The following NDUFA10 variants were observed in gnomAD, a reference collection of about 807,000 sequenced individuals.
The protein encoded by NDUFA10 is NADH dehydrogenase [ubiquinone] 1 alpha subcomplex subunit 10, mitochondrial.
Under a neutral mutation model 47.8 loss-of-function variants are expected in NDUFA10, and 40 were observed. That is an observed-to-expected ratio of 0.84 (90% CI 0.65 to 1.09). The LOEUF is 1.09. Among genes scored for constraint, NDUFA10 ranks in the 50% least tolerant of loss-of-function variants. The probability of loss-of-function intolerance (pLI) is 0.00; values close to 1 mark genes in which losing one functional copy is unlikely to be tolerated. For synonymous variants in NDUFA10, 183 were observed against 172.2 expected (o/e 1.06, Z -0.49); for missense variants, 413 against 451.1 (o/e 0.92, Z 0.76).
At chr2:239,976,798 A>G (rs1477771059) in intron 9 of NDUFA10, among the ~76,000 whole-genome samples, 1 of 152,228 alleles carries the variant, frequency 6.6e-6, no homozygotes, top group Non-Finnish European at 1.5e-5. Flanking sequence ...GCTGTGGCAG[A>G]GGCTGAGAGC....
At chr2:239,893,767 C>T (rs1693338112) in intron 5 of NDUFA10, among the ~76,000 whole-genome samples, 1 of 152,210 alleles carries the variant, frequency 6.6e-6, no homozygotes, top group Non-Finnish European at 1.5e-5. Context: ...TCAAACCACG[C>T]AGTGGGAGTG....
At chr2:240,020,276 A>G (rs1179706963) in intron 3 of NDUFA10, among the ~76,000 whole-genome samples, 2 of 152,196 alleles carry the variant, frequency 1.3e-5, no homozygotes, top group Non-Finnish European at 2.9e-5. Context: ...CATCAGGGGC[A>G]CTGCCAATCA....
At chr2:240,018,531 T>G (rs764061526) in intron 4 of NDUFA10, 22 bp downstream of exon 4, 1 of 1,614,192 alleles carries the variant, frequency 6.2e-7, no homozygotes, top group Non-Finnish European at 8.5e-7. Context: ...CACCCAGAAG[T>G]GGGTCTGCAA....
intron 9 of NDUFA10, chr2:239,983,422 T>A (rs1441626495): frequency 2.7e-6 from 4 of 1,469,642 alleles, no homozygotes; most frequent in East Asian, 2.5e-5. Context: ...TGGTCATTAT[T>A]ATTTATTACT....
chr2:239,972,209 T>A (rs1300427795), intron 9 of NDUFA10, among the ~76,000 whole-genome samples: 1 of 152,002 alleles, frequency 6.6e-6, no homozygotes, highest in African/African-American at 2.4e-5. Context: ...TGATAAATAT[T>A]ATACATATAA....
intron 9 of NDUFA10, chr2:239,982,123 C>T (rs752306899): frequency 3.1e-6 from 5 of 1,612,620 alleles, no homozygotes; most frequent in Non-Finnish European, 4.2e-6. Flanking sequence ...ACCTGAAGAC[C>T]GATGAGAAGG....
chr2:239,965,554 C>A (rs879606990), intron 9 of NDUFA10, among the ~76,000 whole-genome samples: 2 of 152,178 alleles, frequency 1.3e-5, no homozygotes, highest in African/African-American at 4.8e-5. Flanking sequence ...ACCTTCCTCC[C>A]GAGCCACGCT....
intron 4 of NDUFA10, among the ~76,000 whole-genome samples, chr2:239,925,318 T>C (rs1244441567): frequency 6.6e-6 from 1 of 152,102 alleles, no homozygotes; most frequent in African/African-American, 2.4e-5. Flanking sequence ...ATCAAGACTA[T>C]AGAGAAACAG....
chr2:239,970,891 G>T (rs1317067052), intron 9 of NDUFA10, among the ~76,000 whole-genome samples: 1 of 152,222 alleles, frequency 6.6e-6, no homozygotes, highest in Non-Finnish European at 1.5e-5. Flanking sequence ...GAAATGTAAG[G>T]TAAGAATGAG....
chr2:240,005,207 T>TA lies in NDUFA10; in HGVS notation c.890+2dup. ...GCAGCAGCCCCCACACAGATGCACT[T>TA]ACAGTAATCGCAGGTGGTATAAAGT... is the stretch of plus-strand genomic sequence containing the variant. On this transcript the variant is annotated splice_region_variant and intron_variant, in intron 8 of 9. Transcript: ENST00000252711. 6.2e-7 allele frequency: 1 copy of TA among 1,612,920 alleles called. No homozygotes were observed. The highest frequency in any genetic ancestry group is 8.5e-7 in the Non-Finnish European group (1 of 1,179,002).
chr2:239,894,968 C>T (rs1693363776), intron 5 of NDUFA10, among the ~76,000 whole-genome samples: 1 of 152,184 alleles, frequency 6.6e-6, no homozygotes, highest in Non-Finnish European at 1.5e-5. Context: ...CAGGAAGCAG[C>T]TCAGGTAAAG....
chr2:239,993,297 G>A (rs1445715808), intron 8 of NDUFA10, among the ~76,000 whole-genome samples: 1 of 152,214 alleles, frequency 6.6e-6, no homozygotes, highest in Non-Finnish European at 1.5e-5. Flanking sequence ...TTTGTTAGAT[G>A]TCATATGATG....
chr2:239,983,687 C>T (rs1464548203), intron 9 of NDUFA10: 1 of 1,574,354 alleles, frequency 6.4e-7, no homozygotes, highest in Non-Finnish European at 8.6e-7. Context: ...TCTGTGGATT[C>T]CTCCCCAAAA....
At chr2:239,965,916 C>T (rs1237201096) in intron 9 of NDUFA10, among the ~76,000 whole-genome samples, 1 of 152,178 alleles carries the variant, frequency 6.6e-6, no homozygotes, top group Non-Finnish European at 1.5e-5. Flanking sequence ...GCATTTTGGA[C>T]TCATTACATT....
At chr2:239,946,924 G>C (rs186287394) in intron 4 of NDUFA10, among the ~76,000 whole-genome samples, 196 of 152,354 alleles carry the variant, frequency 1.3e-3, no homozygotes, top group African/African-American at 4.4e-3. Flanking sequence ...GGTGAAATGA[G>C]GATAAGGCCA....
intron 4 of NDUFA10, among the ~76,000 whole-genome samples, chr2:239,905,908 A>G (rs980305068): frequency 2.7e-5 from 4 of 150,504 alleles, no homozygotes; most frequent in Non-Finnish European, 5.9e-5. Context: ...TCCAAGTGGG[A>G]GAGGAGGTCT....
downstream of NDUFA10, among the ~76,000 whole-genome samples, chr2:239,956,399 G>T (rs978199735): frequency 6.6e-6 from 1 of 152,184 alleles, no homozygotes; most frequent in African/African-American, 2.4e-5. Flanking sequence ...GATCCAAAGC[G>T]TGGGGCCTGA....
chr2:239,959,565 ATC>A lies in NDUFA10; in HGVS notation c.*1551_*1552del. 1.0e-6 allele frequency: 1 copy of A among 985,538 alleles called. No individual in the cohort carries two copies. Among genetic ancestry groups the A allele is most frequent in the Non-Finnish European group, 1.2e-6 (1 of 829,958 alleles). The allele number at this position is 985,538 out of a possible 1,614,324, so 61.0% of individuals were successfully genotyped here. A position where few individuals can be genotyped will look rare whatever the true frequency, so the allele number is the denominator to read the frequency against. The stretch of plus-strand genomic sequence containing the variant: ...GAAATGCAAAACTTCAGCCACTTAA[ATC>A]TCGACTCCAATTCAAAACTCCTGGG... On this transcript the variant is annotated 3_prime_UTR_variant, in exon 10 of 10. Transcript: ENST00000252711.
chr2:240,016,551 G>A lies in NDUFA10; in HGVS notation c.548-1691C>T, dbSNP rs1307434816. Among the ~76,000 whole-genome samples, 1 of 152,096 alleles carries A rather than the reference G, an allele frequency of 6.6e-6. No homozygotes were observed. ...GGTGAAACGTGACAGTCACTTCTCA[G>A]TTCCCATCAGAGTCACAGCACATGT... On this transcript the variant is annotated intron_variant, in intron 4 of 9. Transcript: ENST00000252711. The surrounding 1 kb of genome is among the most constrained non-coding windows in gnomAD (Gnocchi z 4.4).
Sources: gnomAD v4.1 joint callset for allele counts (sites outside exome capture counted in the v4.1 genomes callset) on GRCh38, gnomAD v4.1.1 for gene constraint, Gnocchi (gnomAD v3.1) non-coding constraint, MANE v1.5 for transcripts, NCBI Gene and HGNC (gene_info 2026-07-23, HGNC 2026-07-21) for gene names.